The following LOXL2 variants were observed in gnomAD, a reference collection of about 807,000 sequenced individuals.
LOXL2 encodes the protein lysyl oxidase like 2, also known as lysyl oxidase homolog 2.
In LOXL2, 70 loss-of-function variants were observed where a neutral mutation model predicts 93.0. The ratio of observed to expected loss-of-function variants is 0.75; its 90% confidence interval spans 0.62 to 0.92. The LOEUF (loss-of-function observed/expected upper bound fraction) is 0.92. LOXL2 is among the 40% of genes least tolerant of loss of function. The pLI, the probability that LOXL2 is intolerant of heterozygous loss-of-function variation, is 0.00. For synonymous variants in LOXL2, 438 were observed against 413.2 expected (o/e 1.06, Z -0.73); for missense variants, 973 against 1,054.9 (o/e 0.92, Z 1.08).
chr8:23,360,299 T>C, intron 2 of LOXL2, 34 bp from the exon 3 acceptor site: 1 of 1,532,930 alleles, frequency 6.5e-7, no homozygotes, highest in Non-Finnish European at 8.9e-7. Flanking sequence ...AACCAAGTGC[T>C]GCGTCAATGC....
intron 1 of LOXL2, among the ~76,000 whole-genome samples, chr8:23,381,625 G>A (rs1193886417): frequency 1.3e-5 from 2 of 152,168 alleles, no homozygotes; most frequent in African/African-American, 4.8e-5. Flanking sequence ...CTTTTTTGGA[G>A]ATTATGTCTC....
At chr8:23,303,197 G>C (rs149273364) in intron 11 of LOXL2, 85 bp downstream of exon 11, 1 of 847,248 alleles carries the variant, frequency 1.2e-6, no homozygotes, top group Non-Finnish European at 2.0e-6. Context: ...GTCAGTGCCA[G>C]GCCTGGGCTC....
chr8:23,390,274 A>G (rs1804820267), intron 1 of LOXL2, among the ~76,000 whole-genome samples: 1 of 152,098 alleles, frequency 6.6e-6, no homozygotes, highest in Non-Finnish European at 1.5e-5. Flanking sequence ...GTCTTGGCTG[A>G]ATGGGGTTTG....
Position 23,298,927 on chromosome 8 carries a change from G to A in LOXL2, c.2154C>T (p.Phe718=), listed in dbSNP as rs1283610841. The change falls in exon 13 of 14, where the codon TTC becomes TTT. Residue 718 remains phenylalanine (F), a synonymous_variant. Coordinates refer to ENST00000389131, the MANE Select transcript of LOXL2 (RefSeq NM_002318.3). ...YLFQVVINPN[F]EVAESDYSNN... ...TGGAGTAATCGGATTCTGCAACCTC[G>A]AAGTTGGGGTTAATAACAACCTAGG... 4 of 1,612,132 alleles carry A rather than the reference G, an allele frequency of 2.5e-6. No individual in the cohort carries two copies. The highest frequency in any genetic ancestry group is 3.4e-6 in the Non-Finnish European group (4 of 1,178,404).
Position 23,396,473 on chromosome 8 carries a change from C to T in LOXL2, c.-84+7481G>A, listed in dbSNP as rs1415338186. On this transcript the variant is annotated intron_variant, in intron 1 of 13. Coordinates refer to ENST00000389131, the MANE Select transcript of LOXL2 (RefSeq NM_002318.3). Reference sequence around the variant, plus strand: ...GCTCCAGCAGAAGCTGCCAGAAAGGCAGGAGTTCTCCAGGTGGATTTGAAC... The same window carrying T: ...GCTCCAGCAGAAGCTGCCAGAAAGGTAGGAGTTCTCCAGGTGGATTTGAAC... 3.9e-5 allele frequency among the ~76,000 whole-genome samples: 6 copies of T among 152,174 alleles called. 1 individual carries two copies. The highest frequency in any genetic ancestry group is 1.4e-4 in the African/African-American group (6 of 41,440).
chr8:23,339,453 T>C (rs1803845687), intron 4 of LOXL2, among the ~76,000 whole-genome samples: 1 of 152,064 alleles, frequency 6.6e-6, no homozygotes, highest in Non-Finnish European at 1.5e-5. Context: ...CGTGACAGGA[T>C]TACCCAGGGC....
chr8:23,382,216 T>C (rs958612760), intron 1 of LOXL2, among the ~76,000 whole-genome samples: 3 of 152,102 alleles, frequency 2.0e-5, no homozygotes, highest in African/African-American at 7.2e-5. Context: ...CATTCTGACC[T>C]GTGATAAAAT....
At chr8:23,320,900 C>CT (rs5890096) in intron 7 of LOXL2, among the ~76,000 whole-genome samples, 1 of 151,718 alleles carries the variant, frequency 6.6e-6, no homozygotes, top group African/African-American at 2.4e-5. Flanking sequence ...AGAGCAAGAC[C>CT]GTCTCAAAAA....
chr8:23,362,637 G>A (rs966992561), intron 2 of LOXL2, among the ~76,000 whole-genome samples: 3 of 152,164 alleles, frequency 2.0e-5, no homozygotes, highest in African/African-American at 7.2e-5. Context: ...AGGAGGCCAA[G>A]GTGGGAGAAT....
At chr8:23,398,218 C>T (rs189150305) in intron 1 of LOXL2, among the ~76,000 whole-genome samples, 114 of 151,760 alleles carry the variant, frequency 7.5e-4, no homozygotes, top group Admixed American at 1.4e-3. Context: ...CAAGTCATCA[C>T]CATAAGTTAT....
At chr8:23,306,401 T>G (rs1370780993) in intron 10 of LOXL2, among the ~76,000 whole-genome samples, 1 of 152,214 alleles carries the variant, frequency 6.6e-6, no homozygotes, top group East Asian at 1.9e-4. Context: ...CCTGTCCTCG[T>G]TTCAGAAAAC....
At position 23,341,189 on chromosome 8, in the gene LOXL2, C is replaced by T. The variant is rs764018429; in HGVS notation, c.546G>A (p.Gln182=). 5.6e-6 allele frequency: 9 copies of T among 1,612,978 alleles called. No homozygotes were observed. The highest frequency in any genetic ancestry group is 7.6e-6 in the Non-Finnish European group (9 of 1,179,770). The change falls in exon 4 of 14, where the codon CAG becomes CAA. Residue 182 remains glutamine (Q), a synonymous_variant. Coordinates refer to ENST00000389131, the MANE Select transcript of LOXL2 (RefSeq NM_002318.3). ...TGGCTCGAATCCGAATGTCCTCCACCTGGATATTCAGGTTCTGGGAAGAAA... is the reference window on the plus strand; with the variant it reads ...TGGCTCGAATCCGAATGTCCTCCACTTGGATATTCAGGTTCTGGGAAGAAA... The part of the protein sequence containing the change: ...LINQIENLNI[Q]VEDIRIRAIL...
In LOXL2 at chr8:23,316,978, T is replaced by C. The variant is rs1345543437; in HGVS notation, c.1607A>G (p.Gln536Arg). The C allele has an allele frequency of 1.9e-6, 3 of 1,612,860 alleles. No individual in the cohort carries two copies. The highest frequency in any genetic ancestry group is 2.5e-6 in the Non-Finnish European group (3 of 1,179,340). Residue 536 changes from glutamine (Q) to arginine (R), a missense_variant, in exon 9 of 14, where the codon CAG becomes CGG. Coordinates refer to ENST00000389131, the MANE Select transcript of LOXL2 (RefSeq NM_002318.3). ...TGAGCAGGCAACTCCGGCCCCGTAC[T>C]GCACTCCGCCCTGGGGGCAGGCCAC... Reference protein sequence around the residue: ...EDVACPQGGVQYGAGVACSET... With the variant: ...EDVACPQGGVRYGAGVACSET...
chr8:23,399,030 C>G (rs1226571738), intron 1 of LOXL2, among the ~76,000 whole-genome samples: 1 of 152,226 alleles, frequency 6.6e-6, no homozygotes, highest in African/African-American at 2.4e-5. Context: ...TCAACTTACA[C>G]AGGACTGAAG....
At chr8:23,388,632 CACACACACACACACACACACACACACACA>C (rs1804799033) in intron 1 of LOXL2, among the ~76,000 whole-genome samples, 1 of 20,718 alleles carries the variant, frequency 4.8e-5, no homozygotes, top group African/African-American at 1.6e-4. Context: ...CTCACACACA[CACACACACACACACACACACACACACACA>C]CACACACACT....
intron 7 of LOXL2, among the ~76,000 whole-genome samples, chr8:23,320,705 T>C (rs1007510555): frequency 6.6e-6 from 1 of 152,164 alleles, no homozygotes; most frequent in African/African-American, 2.4e-5. Flanking sequence ...CCCAGGGTTT[T>C]GAGACCAGCC....
chr8:23,309,317 C>G (rs984999327), intron 10 of LOXL2, among the ~76,000 whole-genome samples: 3 of 152,202 alleles, frequency 2.0e-5, no homozygotes, highest in African/African-American at 7.2e-5. Context: ...AGTCCAGCAA[C>G]TGCACAGCCT....
intron 4 of LOXL2, among the ~76,000 whole-genome samples, chr8:23,338,902 C>T (rs921975660): frequency 1.3e-5 from 2 of 152,218 alleles, no homozygotes; most frequent in African/African-American, 4.8e-5. Context: ...GGGTGGTGCT[C>T]TCCCTGAAGC....
rs879632756 is a variant in LOXL2, at chr8:23,346,158, A to AAAAAAAT, written c.532-4956_532-4955insATTTTTT. On this transcript the variant is annotated intron_variant, in intron 3 of 13. Coordinates refer to ENST00000389131, the MANE Select transcript of LOXL2 (RefSeq NM_002318.3). ...AAAATAAAATAAATAAAATAAAATA[A>AAAAAAAT]AAAATAAAATAAAATAAATAAAATA... is the stretch of plus-strand genomic sequence containing the variant. Among the ~76,000 whole-genome samples, 35 of 138,084 alleles carry AAAAAAAT rather than the reference A, an allele frequency of 2.5e-4. No individual in the cohort carries two copies. The South Asian group carries it at 7.6e-3, about 30-fold the overall frequency. The allele number at this position is 138,084 out of a possible 152,430, so 90.6% of individuals were successfully genotyped here. A position where few individuals can be genotyped will look rare whatever the true frequency, so the allele number is the denominator to read the frequency against.
Sources: gnomAD v4.1 joint callset for allele counts (sites outside exome capture counted in the v4.1 genomes callset) on GRCh38, gnomAD v4.1.1 for gene constraint, MANE v1.5 for transcripts, NCBI Gene and HGNC (gene_info 2026-07-23, HGNC 2026-07-21) for gene names.